GABRG2: variants seen among roughly 807,000 people sequenced by gnomAD.
GABRG2 encodes gamma-aminobutyric acid receptor subunit gamma-2.
Under a neutral mutation model 56.4 loss-of-function variants are expected in GABRG2, and 16 were observed. The ratio of observed to expected loss-of-function variants is 0.28; its 90% CI spans 0.19 to 0.43. The LOEUF (loss-of-function observed/expected upper bound fraction) is 0.43, where lower values mean the gene tolerates loss of function less well. GABRG2 is among the 20% of genes least tolerant of loss of function. GABRG2 has a pLI of 1.00. For synonymous variants in GABRG2, 208 were observed against 205.5 expected (o/e 1.01, Z -0.10); for missense variants, 327 against 582.7 (o/e 0.56, Z 4.52).
intron 9 of GABRG2, chr5:162,152,787 A>G (rs1038189629): frequency 1.0e-5 from 6 of 585,424 alleles, no homozygotes; most frequent in Admixed American, 3.0e-5. Flanking sequence ...AATACTTACT[A>G]GAATAAGATT....
intron 6 of GABRG2, among the ~76,000 whole-genome samples, chr5:162,114,209 G>A (rs1158669740): frequency 6.6e-6 from 1 of 152,054 alleles, no homozygotes; most frequent in Non-Finnish European, 1.5e-5. Flanking sequence ...CAACATGTGG[G>A]TAATACAATC....
intron 6 of GABRG2, among the ~76,000 whole-genome samples, chr5:162,126,418 A>G (rs1343151766): frequency 6.6e-6 from 1 of 151,842 alleles, no homozygotes; most frequent in Non-Finnish European, 1.5e-5. Flanking sequence ...TAGTGTGTGA[A>G]CTCACTTTTG....
chr5:162,101,184 A>G (rs367737806), intron 4 of GABRG2, 51 bp from the exon 5 acceptor site: 8 of 1,245,476 alleles, frequency 6.4e-6, no homozygotes, highest in South Asian at 3.6e-5. Flanking sequence ...CAAATTTACA[A>G]TTTAAAATTA....
chr5:162,145,513 C>T (rs960780231), intron 7 of GABRG2, among the ~76,000 whole-genome samples: 1 of 152,166 alleles, frequency 6.6e-6, no homozygotes, highest in Non-Finnish European at 1.5e-5. Context: ...TATAAACCAT[C>T]CCTACTCTGC....
chr5:162,100,200 A>C (rs1360587811), intron 4 of GABRG2: 3 of 152,148 alleles, frequency 2.0e-5, no homozygotes, highest in Admixed American at 2.0e-4. Flanking sequence ...AGTGCTTCAT[A>C]GTTAATTAAG....
intron 6 of GABRG2, among the ~76,000 whole-genome samples, chr5:162,112,986 T>C (rs1762360355): frequency 6.6e-6 from 1 of 152,102 alleles, no homozygotes; most frequent in African/African-American, 2.4e-5. Flanking sequence ...AGAGTCTCGC[T>C]CTGTTACCCA....
chr5:162,133,516 T>C (rs1763903445), intron 6 of GABRG2, among the ~76,000 whole-genome samples: 3 of 152,150 alleles, frequency 2.0e-5, no homozygotes, highest in African/African-American at 4.8e-5. Context: ...TACCAGGAAA[T>C]TGCTGTCTCT....
intron 3 of GABRG2, among the ~76,000 whole-genome samples, chr5:162,097,379 A>G (rs946286513): frequency 6.6e-6 from 1 of 152,178 alleles, no homozygotes; most frequent in Non-Finnish European, 1.5e-5. Flanking sequence ...CATGGAAAGT[A>G]AAGGATTGTA....
chr5:162,153,101 C>A lies in GABRG2; in HGVS notation c.1161C>A (p.Thr387=). ...CCCTACCCTCGTCCCAGGCCCCTAC[C>A]ATTGATATCCGCCCAAGATCAGCAA... is the stretch of plus-strand genomic sequence containing the variant. The part of the protein sequence containing the change: ...LLRMFSFKAP[T]IDIRPRSATI... Residue 387 remains threonine (T), a synonymous_variant, in exon 10 of 10, where the codon ACC becomes ACA. Coordinates refer to ENST00000639213, the MANE Select transcript of GABRG2 (RefSeq NM_198904.4). 1 of 1,613,978 alleles carries A rather than the reference C, an allele frequency of 6.2e-7. No homozygotes were observed. The highest frequency in any genetic ancestry group is 1.3e-5 in the African/African-American group (1 of 75,012).
chr5:162,143,173 A>T (rs912780493), intron 7 of GABRG2, among the ~76,000 whole-genome samples: 5 of 152,228 alleles, frequency 3.3e-5, no homozygotes, highest in Admixed American at 2.0e-4. Context: ...AATATTAACA[A>T]CATGGAAACA....
chr5:162,149,639 A>G, intron 8 of GABRG2: 1 of 663,728 alleles, frequency 1.5e-6, no homozygotes, highest in East Asian at 3.0e-5. Context: ...TTTGAGATGG[A>G]GTGTCACTCT....
chr5:162,071,165 T>G (rs1416110051), intron 1 of GABRG2, among the ~76,000 whole-genome samples: 1 of 151,496 alleles, frequency 6.6e-6, no homozygotes, highest in Non-Finnish European at 1.5e-5. Flanking sequence ...GTGATTATAT[T>G]GAAAAACTAT....
intron 6 of GABRG2, among the ~76,000 whole-genome samples, chr5:162,108,503 T>G (rs1270029824): frequency 6.6e-6 from 1 of 152,154 alleles, no homozygotes; most frequent in African/African-American, 2.4e-5. Context: ...CTCTATGACT[T>G]TAAGGCTTAA....
intron 5 of GABRG2, 124 bp from the exon 6 acceptor site, chr5:162,103,765 G>C: frequency 9.2e-7 from 1 of 1,082,082 alleles, no homozygotes; most frequent in South Asian, 1.3e-5. Flanking sequence ...TTTGGTCCAA[G>C]ATCCTCATTT....
At chr5:162,068,711 A>G (rs780567030) in intron 1 of GABRG2, among the ~76,000 whole-genome samples, 6 of 152,126 alleles carry the variant, frequency 3.9e-5, no homozygotes, top group Non-Finnish European at 8.8e-5. Flanking sequence ...GTGAGGGCCA[A>G]AGGGATAGAG....
intron 1 of GABRG2, among the ~76,000 whole-genome samples, chr5:162,071,857 A>C (rs1468123559): frequency 6.6e-6 from 1 of 151,874 alleles, no homozygotes; most frequent in Admixed American, 6.6e-5. Context: ...TGGGTAGACT[A>C]TTTGAATGGT....
At chr5:162,082,913 T>C (rs1017678715) in intron 1 of GABRG2, among the ~76,000 whole-genome samples, 1 of 151,636 alleles carries the variant, frequency 6.6e-6, no homozygotes, top group Non-Finnish European at 1.5e-5. Context: ...AACTTAGTAG[T>C]AGTCTTCTAG....
At chr5:162,142,086 C>T in intron 6 of GABRG2, 78 bp from the exon 7 acceptor site, 1 of 1,461,142 alleles carries the variant, frequency 6.8e-7, no homozygotes, top group Non-Finnish European at 9.6e-7. Flanking sequence ...TGTGCATAAC[C>T]ATTAAATACA....
chr5:162,142,571 A>G (rs1454647076), intron 7 of GABRG2: 6 of 388,582 alleles, frequency 1.5e-5, no homozygotes, highest in African/African-American at 1.3e-4. Context: ...ATGCAGCCAT[A>G]AAAAATGATG....
Sources: gnomAD v4.1 joint callset for allele counts (sites outside exome capture counted in the v4.1 genomes callset) on GRCh38, gnomAD v4.1.1 for gene constraint, MANE v1.5 for transcripts, NCBI Gene and HGNC (gene_info 2026-07-23, HGNC 2026-07-21) for gene names.